ADGRB3: variants seen among roughly 807,000 people sequenced by gnomAD.
The protein encoded by ADGRB3 is brain-specific angiogenesis inhibitor 3.
A neutral mutation model predicts 193.4 loss-of-function variants in ADGRB3; 37 were observed. The observed-to-expected ratio is 0.19, with a 90% CI of 0.15 to 0.25. The LOEUF (loss-of-function observed/expected upper bound fraction) is 0.25, where lower values mean the gene tolerates loss of function less well. Ranked by LOEUF, ADGRB3 falls within the 10% of genes least tolerant of loss-of-function variation. The pLI is 1.00. For missense variants in ADGRB3, 1,637 were observed against 1,852.9 expected, an observed-to-expected ratio of 0.88 and a Z score of 2.14; for synonymous variants, 690 against 644.2, an observed-to-expected ratio of 1.07 and a Z score of -1.08.
At chr6:69,192,722 T>C (rs1765219547) in intron 17 of ADGRB3, among the ~76,000 whole-genome samples, 1 of 152,200 alleles carries the variant, frequency 6.6e-6, no homozygotes, top group Admixed American at 6.6e-5. Flanking sequence ...ATCTTGCTTA[T>C]CTGTTAAGCA....
At chr6:68,924,253 A>T (rs1160901678) in intron 3 of ADGRB3, among the ~76,000 whole-genome samples, 1 of 152,044 alleles carries the variant, frequency 6.6e-6, no homozygotes, top group Non-Finnish European at 1.5e-5. Context: ...ACATTGATGA[A>T]TTCTTGCATG....
At chr6:68,797,011 G>A (rs1203156507) in intron 3 of ADGRB3, among the ~76,000 whole-genome samples, 1 of 152,142 alleles carries the variant, frequency 6.6e-6, no homozygotes, top group Non-Finnish European at 1.5e-5. Flanking sequence ...GTGGTGGTGG[G>A]AGAGGGCATT....
At chr6:69,324,750 C>G in intron 20 of ADGRB3, 122 bp from the exon 21 acceptor site, 1 of 1,096,772 alleles carries the variant, frequency 9.1e-7, no homozygotes, top group African/African-American at 1.6e-5. Flanking sequence ...ACTCTTGTCA[C>G]TGAGGAGAAG....
At chr6:69,364,702 C>T (rs1769531884) in intron 29 of ADGRB3, among the ~76,000 whole-genome samples, 2 of 152,032 alleles carry the variant, frequency 1.3e-5, no homozygotes, top group Non-Finnish European at 1.5e-5. Flanking sequence ...TTTTTCACAA[C>T]AATGGCTCCA....
At chr6:68,697,429 T>TA (rs887562216) in intron 3 of ADGRB3, among the ~76,000 whole-genome samples, 5 of 151,790 alleles carry the variant, frequency 3.3e-5, no homozygotes, top group South Asian at 2.1e-4. Context: ...CTTGTTCTTT[T>TA]AAAAAAAATA....
At chr6:69,197,905 T>C (rs1765335306) in intron 17 of ADGRB3, among the ~76,000 whole-genome samples, 1 of 152,090 alleles carries the variant, frequency 6.6e-6, no homozygotes, top group African/African-American at 2.4e-5. Flanking sequence ...TTCTATTCTT[T>C]AATTCCTGTC....
chr6:69,121,938 C>T (rs1351582882), intron 17 of ADGRB3, among the ~76,000 whole-genome samples: 6 of 139,956 alleles, frequency 4.3e-5, no homozygotes, highest in African/African-American at 1.0e-4. Flanking sequence ...CCAGACTGGG[C>T]GGCTGGGCAG....
intron 3 of ADGRB3, among the ~76,000 whole-genome samples, chr6:68,906,002 G>A (rs191082033): frequency 6.6e-5 from 10 of 151,692 alleles, no homozygotes; most frequent in African/African-American, 2.4e-4. Flanking sequence ...TAATCCTTGT[G>A]GATAATCTTC....
At chr6:69,255,152 G>T (rs574317300) in intron 20 of ADGRB3, among the ~76,000 whole-genome samples, 1 of 152,090 alleles carries the variant, frequency 6.6e-6, no homozygotes, top group East Asian at 1.9e-4. Flanking sequence ...ATTGTGAATA[G>T]TGCCACAATA....
intron 20 of ADGRB3, among the ~76,000 whole-genome samples, chr6:69,289,732 C>T (rs1767626012): frequency 1.3e-5 from 2 of 152,088 alleles, no homozygotes; most frequent in Admixed American, 1.3e-4. Flanking sequence ...ACCTCCACTA[C>T]AGACAGGTGC....
chr6:69,064,560 G>T (rs1449224397), intron 16 of ADGRB3, among the ~76,000 whole-genome samples: 7 of 152,044 alleles, frequency 4.6e-5, no homozygotes, highest in African/African-American at 1.7e-4. Flanking sequence ...TTTGAATAAA[G>T]AATTTGTGTA....
chr6:68,764,609 GTC>G (rs775570595), intron 3 of ADGRB3, among the ~76,000 whole-genome samples: 33 of 152,188 alleles, frequency 2.2e-4, no homozygotes, highest in Non-Finnish European at 4.3e-4. Context: ...AATGCACCAT[GTC>G]TCAATGAAGA....
rs1768025098 is a variant in ADGRB3, at chr6:68,639,286, A to G, written c.611A>G (p.Glu204Gly). ...TGCACCTGCCCTCAGCATTTGGGAG[A>G]GTGGGGGATCGACGACCAGTCGCTG... ...TKCTCPQHLG[E>G]WGIDDQSLIL... The change falls in exon 3 of 32, where the codon GAG becomes GGG. Residue 204 changes from glutamate (E) to glycine (G), a missense_variant. Glu to Gly is a moderately conservative substitution (Grantham distance 98). This residue lies in a region of ADGRB3 where 365 missense variants were observed against 409.8 expected (regional missense o/e 0.89). Coordinates refer to ENST00000370598, the MANE Select transcript of ADGRB3 (RefSeq NM_001704.3). The G allele has an allele frequency of 5.6e-6, 9 of 1,613,934 alleles. No individual in the cohort carries two copies. Among genetic ancestry groups the G allele is most frequent in the Non-Finnish European group, 7.6e-6 (9 of 1,180,036 alleles).
In ADGRB3 at chr6:68,969,913, T is replaced by C. The variant is rs1274390883; in HGVS notation, c.1526-4850T>C. Among the ~76,000 whole-genome samples the C allele has an allele frequency of 3.3e-5, 5 of 152,326 alleles. No individual in the cohort carries two copies. The East Asian group carries it at 7.7e-4, about 24-fold the overall frequency. ...GAATCATTTCACTTTTTTAGAACCC[T>C]TCAATGGCTGCCCATGTGGCCCTAT... On this transcript the variant is annotated intron_variant, in intron 8 of 31. Coordinates refer to ENST00000370598, the MANE Select transcript of ADGRB3 (RefSeq NM_001704.3).
chr6:69,141,510 A>G (rs922245619), intron 17 of ADGRB3, among the ~76,000 whole-genome samples: 7 of 100,226 alleles, frequency 7.0e-5, no homozygotes, highest in African/African-American at 2.1e-4. Context: ...ATGAGAAAGC[A>G]AGCCATACAG....
At chr6:68,841,743 A>G (rs1050478700) in intron 3 of ADGRB3, among the ~76,000 whole-genome samples, 4 of 152,130 alleles carry the variant, frequency 2.6e-5, no homozygotes, top group African/African-American at 9.7e-5. Flanking sequence ...ATAGAAGAAA[A>G]GAAGTAATAA....
chr6:68,875,491 C>T (rs1215691701), intron 3 of ADGRB3, among the ~76,000 whole-genome samples: 4 of 151,464 alleles, frequency 2.6e-5, no homozygotes, highest in African/African-American at 9.7e-5. Context: ...ATGCACATGC[C>T]TAGTTAAAAC....
At chr6:69,384,601 A>T (rs1770021481) in intron 31 of ADGRB3, among the ~76,000 whole-genome samples, 1 of 152,076 alleles carries the variant, frequency 6.6e-6, no homozygotes, top group African/African-American at 2.4e-5. Context: ...TAAATCATTA[A>T]TGGCACAACT....
intron 17 of ADGRB3, among the ~76,000 whole-genome samples, chr6:69,168,066 C>A (rs180994061): frequency 6.6e-6 from 1 of 152,262 alleles, no homozygotes; most frequent in East Asian, 1.9e-4. Flanking sequence ...AGAACGGAGA[C>A]TCTTATTAGA....
Sources: allele counts gnomAD v4.1 joint callset (sites outside exome capture counted in the v4.1 genomes callset), GRCh38; gene constraint gnomAD v4.1.1; regional missense constraint gnomAD v4.1.1; transcripts MANE v1.5; gene names NCBI Gene and HGNC (gene_info 2026-07-23, HGNC 2026-07-21).